Variants in PREX2 observed in about 807,000 individuals in gnomAD.
PREX2 encodes the protein phosphatidylinositol 3,4,5-trisphosphate-dependent Rac exchanger 2 protein.
In PREX2, 107 loss-of-function variants were observed where a neutral mutation model predicts 203.2. The ratio of observed to expected loss-of-function variants is 0.53; its 90% CI spans 0.45 to 0.62. PREX2 has a LOEUF of 0.62. Ranked by LOEUF, PREX2 falls within the 20% of genes least tolerant of loss-of-function variation. The pLI, the probability that PREX2 is intolerant of heterozygous loss-of-function variation, is 0.00. For missense variants in PREX2, 1,777 were observed against 1,955.9 expected, an observed-to-expected ratio of 0.91 and a Z score of 1.72; for synonymous variants, 672 against 663.6, an observed-to-expected ratio of 1.01 and a Z score of -0.19.
At chr8:68,059,715 C>T (rs1808787500) in intron 10 of PREX2, among the ~76,000 whole-genome samples, 1 of 152,128 alleles carries the variant, frequency 6.6e-6, no homozygotes, top group Admixed American at 6.5e-5. Flanking sequence ...CCAGACGGGG[C>T]TCTTAGATTG....
intron 35 of PREX2, among the ~76,000 whole-genome samples, chr8:68,179,378 T>C (rs1812041929): frequency 6.6e-6 from 1 of 152,192 alleles, no homozygotes; most frequent in Admixed American, 6.6e-5. Context: ...TTTGGCCTAT[T>C]ATATATCTGT....
rs1413114670 is a variant in PREX2, at chr8:68,191,770, A to C, written c.4395A>C (p.Lys1465Asn). ...KSNSPPNSTS[K>N]AAYVDKLMRP... ...ATTCACCACCAAACTCCACATCCAA[A>C]GCTGCCTATGTAGATAAGGTAAAAA... is the stretch of plus-strand genomic sequence containing the variant. The change falls in exon 36 of 40, where the codon AAA becomes AAC. Residue 1465 changes from lysine (K) to asparagine (N), a missense_variant. Coordinates refer to ENST00000288368, the MANE Select transcript of PREX2 (RefSeq NM_024870.4). 6.2e-7 allele frequency: 1 copy of C among 1,608,582 alleles called. No homozygotes were observed. The highest frequency in any genetic ancestry group is 2.2e-5 in the East Asian group (1 of 44,794).
chr8:68,212,014 G>T (rs940662), intron 37 of PREX2, among the ~76,000 whole-genome samples: 14,765 of 152,144 alleles, frequency 0.097, 1,353 homozygotes, highest in African/African-American at 0.24. Flanking sequence ...TATAGAAATT[G>T]TTTCATGTCA....
rs1220486839 is a variant in PREX2 at position 67,976,414 on chromosome 8, C to T, written c.141+23879C>T. Among the ~76,000 whole-genome samples the T allele has an allele frequency of 3.2e-5, 4 of 124,562 alleles. No individual in the cohort carries two copies. In the East Asian group the frequency reaches 8.2e-4, roughly 26 times the overall value. The allele number at this position is 124,562 out of a possible 152,430, so 81.7% of individuals were successfully genotyped here. The stretch of plus-strand genomic sequence containing the variant: ...AGAGACAGAGAGAGAGAGAGAGAGA[C>T]AGGAGAGAGACAGAGAGAGAGATGG... On this transcript the variant is annotated intron_variant, in intron 1 of 39. Transcript: ENST00000288368.
intron 1 of PREX2, among the ~76,000 whole-genome samples, chr8:67,966,845 G>A (rs1428186902): frequency 2.6e-5 from 4 of 152,148 alleles, no homozygotes; most frequent in Non-Finnish European, 5.9e-5. Flanking sequence ...AGCACCTACT[G>A]TCTGCCAATC....
chr8:68,189,588 T>C (rs941333925), intron 35 of PREX2, among the ~76,000 whole-genome samples: 2 of 152,246 alleles, frequency 1.3e-5, no homozygotes, highest in Non-Finnish European at 2.9e-5. Context: ...ATTTTGCTCT[T>C]GATCTAGTGC....
chr8:68,113,492 G>C (rs924244432), intron 25 of PREX2, among the ~76,000 whole-genome samples: 2 of 152,140 alleles, frequency 1.3e-5, no homozygotes, highest in Non-Finnish European at 2.9e-5. Flanking sequence ...TAGACAATCT[G>C]TCTTACAGGA....
intron 23 of PREX2, among the ~76,000 whole-genome samples, chr8:68,100,632 G>T (rs559828874): frequency 5.1e-4 from 78 of 152,304 alleles, no homozygotes; most frequent in Non-Finnish European, 9.1e-4. Context: ...GAAGGCCAGG[G>T]TGGCCAGAGG....
intron 4 of PREX2, 107 bp from the exon 5 acceptor site, chr8:68,027,115 A>C: frequency 1.3e-6 from 1 of 767,996 alleles, no homozygotes. Context: ...GAAAGAAAGT[A>C]TATGAAGACA....
chr8:68,033,971 G>A (rs10504416), intron 6 of PREX2, among the ~76,000 whole-genome samples: 4 of 152,034 alleles, frequency 2.6e-5, no homozygotes, highest in African/African-American at 9.7e-5. Flanking sequence ...CTGAAAACAG[G>A]CAGCTTGATT....
chr8:68,152,466 C>A (rs867770787), intron 34 of PREX2, among the ~76,000 whole-genome samples: 17 of 152,048 alleles, frequency 1.1e-4, no homozygotes. Context: ...TCAGACAGCA[C>A]GGTTCCAATC....
intron 4 of PREX2, among the ~76,000 whole-genome samples, chr8:68,025,334 A>G (rs1315753049): frequency 6.6e-6 from 1 of 151,724 alleles, no homozygotes; most frequent in Admixed American, 6.6e-5. Flanking sequence ...CTACTACCTT[A>G]TGGCTTCCAT....
intron 20 of PREX2, among the ~76,000 whole-genome samples, chr8:68,092,056 C>T (rs970333000): frequency 6.6e-6 from 1 of 152,150 alleles, no homozygotes; most frequent in Non-Finnish European, 1.5e-5. Flanking sequence ...CTTTTGCTTC[C>T]CCTGTTCGTG....
rs781270008 is a variant in PREX2 at position 68,030,510 on chromosome 8, G to A, written c.557G>A (p.Arg186Gln). The change falls in exon 6 of 40, where the codon CGG becomes CAG. Residue 186 changes from arginine to glutamine, a missense_variant. Coordinates refer to ENST00000288368, the MANE Select transcript of PREX2 (RefSeq NM_024870.4). ...GTGTATAAACAGGAGTTGCTGAAGC[G>A]GACTCCACGGAAACACAGTGACTAT... ...YPLILKELLK[R>Q]TPRKHSDYAA... The A allele has an allele frequency of 9.9e-6, 16 of 1,612,824 alleles. No homozygotes were observed. Among genetic ancestry groups the A allele is most frequent in the East Asian group, 6.7e-5 (3 of 44,842 alleles).
chr8:68,193,308 T>C (rs1812333202), intron 37 of PREX2, among the ~76,000 whole-genome samples: 1 of 152,234 alleles, frequency 6.6e-6, no homozygotes, highest in Non-Finnish European at 1.5e-5. Flanking sequence ...CAGCCTCTTC[T>C]TCTATTTATT....
intron 35 of PREX2, among the ~76,000 whole-genome samples, chr8:68,188,945 G>C (rs532951490): frequency 6.6e-6 from 1 of 152,198 alleles, no homozygotes; most frequent in Admixed American, 6.5e-5. Flanking sequence ...ACTATTACAG[G>C]TGCTAGAGAT....
chr8:68,017,944 C>T, intron 2 of PREX2, 27 bp downstream of exon 2: 2 of 1,583,844 alleles, frequency 1.3e-6, no homozygotes, highest in Non-Finnish European at 1.7e-6. Context: ...GGCCTTCAAC[C>T]TGAGCATGAG....
intron 35 of PREX2, among the ~76,000 whole-genome samples, chr8:68,183,497 A>T (rs1320084347): frequency 2.6e-5 from 4 of 152,154 alleles, no homozygotes; most frequent in African/African-American, 7.2e-5. Context: ...CATGGAGATA[A>T]TATTCCCTAA....
At position 68,007,831 on chromosome 8, in the gene PREX2, G is replaced by A. The variant is rs547323979; in HGVS notation, c.142-10015G>A. ...TCACTGTGTTAGCCAAGATGGTCTC[G>A]ATCTCCTGACCTCATGATCCGCCCA... On this transcript the variant is annotated intron_variant, in intron 1 of 39. Coordinates refer to ENST00000288368, the MANE Select transcript of PREX2 (RefSeq NM_024870.4). 2.0e-4 allele frequency among the ~76,000 whole-genome samples: 31 copies of A among 152,228 alleles called. No homozygotes were observed. The South Asian group carries it at 5.4e-3, about 26-fold the overall frequency.
Sources: gnomAD v4.1 joint callset for allele counts (sites outside exome capture counted in the v4.1 genomes callset) on GRCh38, gnomAD v4.1.1 for gene constraint, MANE v1.5 for transcripts, NCBI Gene and HGNC (gene_info 2026-07-23, HGNC 2026-07-21) for gene names.